GPC6: variants seen among roughly 807,000 people sequenced by gnomAD.
The protein encoded by GPC6 is glypican-6.
In GPC6, 14 loss-of-function variants were observed where a neutral mutation model predicts 55.2. That is an observed-to-expected ratio of 0.25 (90% CI 0.17 to 0.40). The LOEUF is 0.40. Ranked by LOEUF, GPC6 falls within the 10% of genes least tolerant of loss-of-function variation. The pLI is 1.00. For synonymous variants in GPC6, 278 were observed against 259.6 expected (o/e 1.07, Z -0.68); for missense variants, 641 against 708.5 (o/e 0.90, Z 1.08).
At chr13:93,368,373 C>A (rs1376568441) in intron 1 of GPC6, among the ~76,000 whole-genome samples, 3 of 131,236 alleles carry the variant, frequency 2.3e-5, no homozygotes, top group Non-Finnish European at 3.4e-5. Flanking sequence ...TCCTTCCTTC[C>A]TTCCTTCCTT....
In GPC6 at chr13:94,114,321, A is replaced by C. The variant is rs147561372; in HGVS notation, c.877+86427A>C. ...AAAAGATGTCTTAAAGAGATTGGGA[A>C]AGATTTGCTTGAGGAAGGATCATAT... On this transcript the variant is annotated intron_variant, in intron 4 of 8. Coordinates refer to ENST00000377047, the MANE Select transcript of GPC6 (RefSeq NM_005708.5). Among the ~76,000 whole-genome samples the C allele has an allele frequency of 8.3e-4, 127 of 152,218 alleles. 2 individuals are homozygous for C. Among genetic ancestry groups the C allele is most frequent in the Middle Eastern group, 6.8e-3 (2 of 294 alleles).
chr13:94,397,193 A>G (rs548524303), intron 7 of GPC6, among the ~76,000 whole-genome samples: 1 of 152,142 alleles, frequency 6.6e-6, no homozygotes, highest in Non-Finnish European at 1.5e-5. Flanking sequence ...CTTTGAGGCT[A>G]CAGGGGGGTG....
chr13:93,789,509 C>CTCTCTCTCTCTCTA (rs1363454667), intron 2 of GPC6, among the ~76,000 whole-genome samples: 7 of 93,480 alleles, frequency 7.5e-5, no homozygotes, highest in African/African-American at 2.5e-4. Context: ...CTCTCTCTCT[C>CTCTCTCTCTCTCTA]TATATATATA....
chr13:93,452,654 T>C lies in GPC6; in HGVS notation c.161-92609T>C, dbSNP rs1350546717. ...ACTTTGGCCCATTGTTTTGCTTCTT[T>C]TAGTCTTACCAATTTATTTACATTG... On this transcript the variant is annotated intron_variant, in intron 1 of 8. Transcript: ENST00000377047. 3.3e-5 allele frequency among the ~76,000 whole-genome samples: 5 copies of C among 152,254 alleles called. No homozygotes were observed. In the East Asian group the frequency reaches 7.7e-4, roughly 23 times the overall value.
intron 1 of GPC6, among the ~76,000 whole-genome samples, chr13:93,516,334 T>C (rs75828471): frequency 0.022 from 3,370 of 152,254 alleles, 58 homozygotes; most frequent in Middle Eastern, 0.051. Flanking sequence ...GAGTCCTTAT[T>C]AATGAAGTCG....
intron 2 of GPC6, among the ~76,000 whole-genome samples, chr13:93,618,284 T>C (rs1878809293): frequency 6.6e-6 from 1 of 152,108 alleles, no homozygotes; most frequent in Admixed American, 6.6e-5. Flanking sequence ...CAAGTATATA[T>C]ACATATATGT....
chr13:94,176,343 T>C (rs148485819), intron 4 of GPC6, among the ~76,000 whole-genome samples: 15 of 152,250 alleles, frequency 9.9e-5, no homozygotes, highest in African/African-American at 3.4e-4. Flanking sequence ...GGTGATCTTT[T>C]ATACCTCTAA....
chr13:94,075,504 C>T (rs1175056841), intron 4 of GPC6, among the ~76,000 whole-genome samples: 4 of 152,000 alleles, frequency 2.6e-5, no homozygotes, highest in African/African-American at 9.7e-5. Flanking sequence ...TTTAAGTGCA[C>T]ATTACCATAC....
chr13:94,110,761 A>G (rs928968937), intron 4 of GPC6, among the ~76,000 whole-genome samples: 1 of 152,208 alleles, frequency 6.6e-6, no homozygotes, highest in Admixed American at 6.6e-5. Context: ...TTAGATGTGT[A>G]GAAGTGAAAA....
intron 2 of GPC6, among the ~76,000 whole-genome samples, chr13:93,621,381 G>A (rs1878944781): frequency 6.6e-6 from 1 of 152,100 alleles, no homozygotes; most frequent in African/African-American, 2.4e-5. Flanking sequence ...TGAGTAGTTT[G>A]TAATTTTATT....
chr13:93,640,924 G>A (rs1216528014), intron 2 of GPC6, among the ~76,000 whole-genome samples: 3 of 127,570 alleles, frequency 2.4e-5, no homozygotes, highest in African/African-American at 9.0e-5. Flanking sequence ...TTCTCTTTCC[G>A]TTTTCCTCTG....
At chr13:93,983,676 G>C (rs1044406394) in intron 3 of GPC6, among the ~76,000 whole-genome samples, 4 of 151,264 alleles carry the variant, frequency 2.6e-5, no homozygotes, top group African/African-American at 9.7e-5. Flanking sequence ...TGTTAAACAA[G>C]AAAAAGGAGA....
chr13:93,573,961 GTCTT>G (rs762467560), intron 2 of GPC6, among the ~76,000 whole-genome samples: 8 of 152,142 alleles, frequency 5.3e-5, no homozygotes, highest in Non-Finnish European at 1.2e-4. Context: ...GACATGAGGT[GTCTT>G]TCTAAGAAAT....
intron 1 of GPC6, among the ~76,000 whole-genome samples, chr13:93,453,808 C>T (rs915652699): frequency 6.6e-6 from 1 of 151,942 alleles, no homozygotes; most frequent in Non-Finnish European, 1.5e-5. Flanking sequence ...ATAAAAGCAG[C>T]GTGGACCCAA....
chr13:94,321,742 G>A (rs897044971), intron 6 of GPC6, among the ~76,000 whole-genome samples: 2 of 152,122 alleles, frequency 1.3e-5, no homozygotes, highest in African/African-American at 4.8e-5. Flanking sequence ...TAAACTTCCA[G>A]TCCACAAAGG....
chr13:93,893,340 TCCAC>T (rs1245570531), intron 3 of GPC6, among the ~76,000 whole-genome samples: 2 of 152,140 alleles, frequency 1.3e-5, no homozygotes, highest in Non-Finnish European at 2.9e-5. Context: ...ATAGGCATGA[TCCAC>T]CGCTCCCGGC....
At chr13:94,022,870 G>A (rs1339833390) in intron 3 of GPC6, among the ~76,000 whole-genome samples, 3 of 151,918 alleles carry the variant, frequency 2.0e-5, no homozygotes, top group Non-Finnish European at 2.9e-5. Context: ...TGTCATCTTT[G>A]GAGAAATGTC....
At chr13:94,246,115 A>T (rs1389018164) in intron 4 of GPC6, among the ~76,000 whole-genome samples, 1 of 151,876 alleles carries the variant, frequency 6.6e-6, no homozygotes, top group African/African-American at 2.4e-5. Flanking sequence ...ATGATTAGGG[A>T]TCTTGTGTAT....
At chr13:93,570,532 T>A (rs1876351223) in intron 2 of GPC6, among the ~76,000 whole-genome samples, 1 of 152,040 alleles carries the variant, frequency 6.6e-6, no homozygotes, top group African/African-American at 2.4e-5. Flanking sequence ...AATGTGAAAA[T>A]GTGAAGATGA....
Sources: allele counts gnomAD v4.1 joint callset (sites outside exome capture counted in the v4.1 genomes callset), GRCh38; gene constraint gnomAD v4.1.1; transcripts MANE v1.5; gene names NCBI Gene and HGNC (gene_info 2026-07-23, HGNC 2026-07-21).